Variants in BNC1 observed in about 807,000 individuals in gnomAD.
The protein encoded by BNC1 is basonuclin zinc finger protein 1.
Under a neutral mutation model 66.5 loss-of-function variants are expected in BNC1, and 8 were observed. That is an observed-to-expected ratio of 0.12 (90% CI 0.07 to 0.22). The LOEUF is 0.22. Ranked by LOEUF, BNC1 falls within the 10% of genes least tolerant of loss-of-function variation. The pLI is 1.00. For synonymous variants in BNC1, 454 were observed against 452.6 expected (o/e 1.00, Z -0.04); for missense variants, 1,069 against 1,241.3 (o/e 0.86, Z 2.09).
intron 1 of BNC1, among the ~76,000 whole-genome samples, chr15:83,281,638 T>C (rs1181117429): frequency 3.3e-5 from 5 of 152,236 alleles, no homozygotes; most frequent in African/African-American, 1.2e-4. Context: ...ACATCAAAAT[T>C]ACTTCTAAAG....
intron 2 of BNC1, among the ~76,000 whole-genome samples, chr15:83,267,866 A>G (rs2038233150): frequency 6.6e-6 from 1 of 152,224 alleles, no homozygotes; most frequent in Non-Finnish European, 1.5e-5. Context: ...GCTGTAATAG[A>G]TAGAACAGAA....
At chr15:83,272,552 A>T (rs748690864) in intron 1 of BNC1, among the ~76,000 whole-genome samples, 3 of 152,160 alleles carry the variant, frequency 2.0e-5, no homozygotes, top group Non-Finnish European at 4.4e-5. Flanking sequence ...CACTCTTTAA[A>T]AACAAGATGT....
chr15:83,275,620 G>C (rs966972018), intron 1 of BNC1, among the ~76,000 whole-genome samples: 4 of 152,164 alleles, frequency 2.6e-5, no homozygotes, highest in Non-Finnish European at 5.9e-5. Context: ...GAGGTAACAT[G>C]TGAATTGAGT....
intron 4 of BNC1, among the ~76,000 whole-genome samples, chr15:83,260,412 C>T (rs187994418): frequency 6.1e-4 from 92 of 151,842 alleles, no homozygotes; most frequent in African/African-American, 1.9e-3. Context: ...ATAGATATAA[C>T]CCAAATAGAG....
Position 83,263,184 on chromosome 15 carries a change from G to C in BNC1, c.2067C>G (p.Asn689Lys), listed in dbSNP as rs748190824. 1.2e-6 allele frequency: 2 copies of C among 1,614,186 alleles called. No homozygotes were observed. The highest frequency in any genetic ancestry group is 1.3e-5 in the African/African-American group (1 of 75,052). ...LAGGLFSALS[N>K]RGMAFPCLED... is the part of the protein sequence containing the mutation. ...CAAGACAAGGAAAAGCCATTCCCCT[G>C]TTGGACAAAGCACTGAAGAGTCCCC... Residue 689 changes from asparagine (N) to lysine (K), a missense_variant, in exon 4 of 5, where the codon AAC (asparagine) becomes AAG (lysine). By Grantham distance (94) the Asn-to-Lys change is moderately conservative. Coordinates refer to ENST00000345382, the MANE Select transcript of BNC1 (RefSeq NM_001717.4).
intron 1 of BNC1, among the ~76,000 whole-genome samples, chr15:83,271,041 C>T (rs769378020): frequency 7.2e-5 from 11 of 152,046 alleles, no homozygotes; most frequent in African/African-American, 1.4e-4. Context: ...TCTGGGAGGC[C>T]GAGGTGGGCA....
In BNC1 at chr15:83,257,533, G is replaced by C. The variant is rs1032233081; in HGVS notation, c.2894C>G (p.Thr965Ser). The change falls in exon 5 of 5, where the codon ACC becomes AGC. Residue 965 changes from threonine (T) to serine (S), a missense_variant. By Grantham distance (58) the Thr-to-Ser change is moderately conservative. Transcript: ENST00000345382. ...TCGACTGCGAACAGACGAAAACATG[G>C]TGTTGCAGCCTGGTACTTTGCATTT... ...LHKCKVPGCN[T>S]MFSSVRSRNR... The C allele has an allele frequency of 6.2e-7, 1 of 1,614,072 alleles. No individual in the cohort carries two copies. The highest frequency in any genetic ancestry group is 2.2e-5 in the East Asian group (1 of 44,892).
chr15:83,283,326 A>AGGC, intron 1 of BNC1: 1 of 1,446,154 alleles, frequency 6.9e-7, no homozygotes, highest in Non-Finnish European at 9.2e-7. Context: ...CGGCAAAGCC[A>AGGC]GGCGGCGGCG....
chr15:83,264,840 G>T lies in BNC1; in HGVS notation c.436-25C>A, dbSNP rs780669289. ...CCTAAACCCAAACCAGATGTTAGAA[G>T]TGTGATCAATTTACAACTCCTTACC... On this transcript the variant is annotated intron_variant, in intron 3 of 4. Coordinates refer to ENST00000345382, the MANE Select transcript of BNC1 (RefSeq NM_001717.4). The T allele has an allele frequency of 3.8e-6, 6 of 1,599,552 alleles. No individual in the cohort carries two copies. The South Asian group carries it at 5.7e-5, about 15-fold the overall frequency.
chr15:83,281,579 TGTAA>T (rs1452817189), intron 1 of BNC1, among the ~76,000 whole-genome samples: 1 of 152,248 alleles, frequency 6.6e-6, no homozygotes, highest in African/African-American at 2.4e-5. Flanking sequence ...AGCACACTCC[TGTAA>T]GTAATTTACC....
At chr15:83,279,742 A>G (rs1595943290) in intron 1 of BNC1, among the ~76,000 whole-genome samples, 2 of 152,208 alleles carry the variant, frequency 1.3e-5, no homozygotes, top group African/African-American at 4.8e-5. Flanking sequence ...CATGGTTAAA[A>G]GGAGATGTGG....
At chr15:83,265,830 T>A (rs1389492069) in intron 3 of BNC1, among the ~76,000 whole-genome samples, 1 of 152,156 alleles carries the variant, frequency 6.6e-6, no homozygotes, top group African/African-American at 2.4e-5. Flanking sequence ...GGGGATAATA[T>A]GCCTAAGCTT....
At chr15:83,283,295 C>A in intron 1 of BNC1, 1 of 1,507,262 alleles carries the variant, frequency 6.6e-7, no homozygotes, top group Non-Finnish European at 8.9e-7. Context: ...TCACATCTGG[C>A]TGACAAATCC....
intron 1 of BNC1, among the ~76,000 whole-genome samples, chr15:83,278,098 G>A (rs117930166): frequency 0.01 from 1,556 of 152,268 alleles, 15 homozygotes; most frequent in Non-Finnish European, 0.015. Context: ...AAGAAGAGAG[G>A]TGAAGCCCAC....
chr15:83,280,486 T>C (rs2038367099), intron 1 of BNC1, among the ~76,000 whole-genome samples: 1 of 152,232 alleles, frequency 6.6e-6, no homozygotes, highest in South Asian at 2.1e-4. Flanking sequence ...TGAACATTTC[T>C]AAGTAAGATT....
intron 1 of BNC1, among the ~76,000 whole-genome samples, chr15:83,275,605 T>C (rs1027991234): frequency 6.6e-6 from 1 of 151,930 alleles, no homozygotes; most frequent in East Asian, 1.9e-4. Context: ...TCAAGAGCCT[T>C]TGAGGAGGTA....
rs74028269 is a variant in BNC1 at position 83,260,505 on chromosome 15, A to G, written c.2301-2379T>C. ...ACGTTTCAGAGTTACTGGTGTAGAC[A>G]TATCCCTTCTTCCAGGAAGCTTTCC... On this transcript the variant is annotated intron_variant, in intron 4 of 4. Transcript: ENST00000345382. 4.8e-3 allele frequency among the ~76,000 whole-genome samples: 724 copies of G among 152,268 alleles called. 5 individuals carry two copies. The highest frequency in any genetic ancestry group is 0.017 in the African/African-American group (698 of 41,554).
rs772257476 is a variant in BNC1, at chr15:83,263,375, C to T, written c.1876G>A (p.Glu626Lys). The T allele has an allele frequency of 1.9e-6, 3 of 1,614,172 alleles. No homozygotes were observed. Among genetic ancestry groups the T allele is most frequent in the Non-Finnish European group, 2.5e-6 (3 of 1,180,036 alleles). The change falls in exon 4 of 5, where the codon GAG becomes AAG. Residue 626 changes from glutamate to lysine, a missense_variant. Coordinates refer to ENST00000345382, the MANE Select transcript of BNC1 (RefSeq NM_001717.4). ...ESSGAISQTPEQATHNSERET... is the reference protein window; with the variant it reads ...ESSGAISQTPKQATHNSERET... The stretch of plus-strand genomic sequence containing the variant: ...CTCTCTGAATTGTGTGTGGCCTGCT[C>T]AGGGGTTTGGCTGATGGCTCCACTG...
chr15:83,257,556 T>G lies in BNC1; in HGVS notation c.2871A>C (p.Lys957Asn). The G allele has an allele frequency of 6.2e-7, 1 of 1,614,144 alleles. No homozygotes were observed. The highest frequency in any genetic ancestry group is 8.5e-7 in the Non-Finnish European group (1 of 1,180,026). ...YKTVHLRQLHKCKVPGCNTMF... is the reference protein window; with the variant it reads ...YKTVHLRQLHNCKVPGCNTMF... Reference sequence around the variant, plus strand: ...TGGTGTTGCAGCCTGGTACTTTGCATTTGTGGAGCTGCCGGAGGTGCACAG... The same window carrying G: ...TGGTGTTGCAGCCTGGTACTTTGCAGTTGTGGAGCTGCCGGAGGTGCACAG... Residue 957 changes from lysine (K) to asparagine (N), a missense_variant, in exon 5 of 5, where the codon AAA (lysine) becomes AAC (asparagine). Physicochemically the swap from Lys to Asn is moderately conservative, Grantham distance 94 (BLOSUM62 0). Coordinates refer to ENST00000345382, the MANE Select transcript of BNC1 (RefSeq NM_001717.4).
Sources: allele counts gnomAD v4.1 joint callset (sites outside exome capture counted in the v4.1 genomes callset), GRCh38; gene constraint gnomAD v4.1.1; transcripts MANE v1.5; gene names NCBI Gene and HGNC (gene_info 2026-07-23, HGNC 2026-07-21).